CMAS: variants seen among roughly 807,000 people sequenced by gnomAD.
CMAS encodes the protein cytidine monophosphate N-acetylneuraminic acid synthetase.
CMAS carries 21 observed loss-of-function variants against 53.4 expected under a neutral mutation model. That is an observed-to-expected ratio of 0.39 (90% CI 0.28 to 0.57). The LOEUF is 0.57. CMAS is among the 20% of genes least tolerant of loss of function. CMAS has a pLI of 0.56. For synonymous variants in CMAS, 189 were observed against 195.2 expected (o/e 0.97, Z 0.27); for missense variants, 384 against 534.9 (o/e 0.72, Z 2.78).
rs1438077460 is a variant in CMAS, at chr12:22,055,255, C to G, written c.367C>G (p.Leu123Val). The change falls in exon 2 of 8, where the codon CTA becomes GTA. Residue 123 changes from leucine (L) to valine (V), a missense_variant. By Grantham distance (32) the Leu-to-Val change is conservative. Transcript: ENST00000229329. ...AGTTTCAAAAGACAGCTCTACCTCACTAGATGCCATCATAGAATTTCTTAA... is the reference window on the plus strand; with the variant it reads ...AGTTTCAAAAGACAGCTCTACCTCAGTAGATGCCATCATAGAATTTCTTAA... ...SEVSKDSSTS[L>V]DAIIEFLNYH... 3 of 1,608,122 alleles carry G rather than the reference C, an allele frequency of 1.9e-6. No homozygotes were observed. The highest frequency in any genetic ancestry group is 1.3e-5 in the African/African-American group (1 of 74,870).
intron 1 of CMAS, among the ~76,000 whole-genome samples, chr12:22,051,888 C>G (rs1950240810): frequency 6.6e-6 from 1 of 151,740 alleles, no homozygotes; most frequent in Non-Finnish European, 1.5e-5. Flanking sequence ...AATGTTTATT[C>G]TGTAGTAAAT....
At chr12:22,057,149 G>T (rs1950273171) in intron 3 of CMAS, among the ~76,000 whole-genome samples, 1 of 151,778 alleles carries the variant, frequency 6.6e-6, no homozygotes, top group African/African-American at 2.4e-5. Context: ...AGTAAGTAGA[G>T]GTTATTCCTA....
intron 3 of CMAS, 103 bp from the exon 4 acceptor site, chr12:22,058,464 A>G (rs1375915402): frequency 9.9e-7 from 1 of 1,007,428 alleles, no homozygotes; most frequent in Non-Finnish European, 1.5e-6. Context: ...AGATAAAGAA[A>G]TGCTCTGCAT....
At chr12:22,064,181 C>T (rs1032788122) in intron 7 of CMAS, among the ~76,000 whole-genome samples, 2 of 151,868 alleles carry the variant, frequency 1.3e-5, no homozygotes, top group African/African-American at 4.8e-5. Flanking sequence ...TCTCTTCAAC[C>T]AAGATTGTAC....
Position 22,060,874 on chromosome 12 carries a change from G to A in CMAS, c.736G>A (p.Val246Met). 6.2e-7 allele frequency: 1 copy of A among 1,612,462 alleles called. No individual in the cohort carries two copies. The highest frequency in any genetic ancestry group is 8.5e-7 in the Non-Finnish European group (1 of 1,178,758). The change falls in exon 5 of 8, where the codon GTG becomes ATG. Residue 246 changes from valine to methionine, a missense_variant. By Grantham distance (21) the Val-to-Met change is conservative (BLOSUM62 1). This residue lies in a region of CMAS where 139 missense variants were observed against 248.0 expected (regional missense o/e 0.56). Coordinates refer to ENST00000229329, the MANE Select transcript of CMAS (RefSeq NM_018686.6). ...AYYEMRAEHS[V>M]DIDVDIDWPI... is the part of the protein sequence containing the mutation. Reference sequence around the variant, plus strand: ...CTACGAAATGCGAGCTGAACATAGTGTGGATATAGATGTGGATATTGATTG... The same window carrying A: ...CTACGAAATGCGAGCTGAACATAGTATGGATATAGATGTGGATATTGATTG...
chr12:22,046,413 G>A lies in CMAS; in HGVS notation c.110G>A (p.Arg37Gln). 1 of 1,599,500 alleles carries A rather than the reference G, an allele frequency of 6.3e-7. No homozygotes were observed. The highest frequency in any genetic ancestry group is 8.5e-7 in the Non-Finnish European group (1 of 1,174,350). Residue 37 changes from arginine (R) to glutamine (Q), a missense_variant, in exon 1 of 8, where the codon CGA (arginine) becomes CAA (glutamine). By Grantham distance (43) the Arg-to-Gln change is conservative (BLOSUM62 1). This residue lies in a region of CMAS where 111 missense variants were observed against 132.2 expected (regional missense o/e 0.84). Coordinates refer to ENST00000229329, the MANE Select transcript of CMAS (RefSeq NM_018686.6). The stretch of plus-strand genomic sequence containing the variant: ...CGCAACTCTCGCGGCGGCCAGGGCC[G>A]AGGTGTGGAGAAGCCCCCGCACCTG... ...LQRNSRGGQG[R>Q]GVEKPPHLAA... is the part of the protein sequence containing the mutation.
chr12:22,052,564 T>C (rs957980124), intron 1 of CMAS, among the ~76,000 whole-genome samples: 1 of 152,204 alleles, frequency 6.6e-6, no homozygotes, highest in African/African-American at 2.4e-5. Flanking sequence ...CAAATTACCA[T>C]GTCTTTTGCC....
intron 4 of CMAS, 83 bp downstream of exon 4, chr12:22,058,783 T>C: frequency 6.8e-7 from 1 of 1,468,084 alleles, no homozygotes; most frequent in African/African-American, 1.4e-5. Context: ...TGGTACAATT[T>C]CTTTATGATA....
intron 1 of CMAS, among the ~76,000 whole-genome samples, chr12:22,050,418 A>C (rs545356825): frequency 8.5e-5 from 13 of 152,178 alleles, no homozygotes; most frequent in Non-Finnish European, 1.9e-4. Flanking sequence ...GTAATCTGTT[A>C]TTGACATTTT....
In CMAS at chr12:22,065,577, C is replaced by T; in HGVS notation, c.*266C>T. 3.7e-6 allele frequency: 1 copy of T among 270,488 alleles called. No homozygotes were observed. Among genetic ancestry groups the T allele is most frequent in the East Asian group, 6.4e-5 (1 of 15,616 alleles). The allele number at this position is 270,488 out of a possible 1,614,324, so 16.8% of individuals were successfully genotyped here. On this transcript the variant is annotated 3_prime_UTR_variant, in exon 8 of 8. Coordinates refer to ENST00000229329, the MANE Select transcript of CMAS (RefSeq NM_018686.6). ...CCCTGTAAAACTGTGTGTTTGTGTG[C>T]TTTCAAAGATGTTGGGATTTTATTT...
intron 5 of CMAS, 124 bp downstream of exon 5, chr12:22,061,050 CAT>C (rs778524628): frequency 4.8e-5 from 35 of 722,472 alleles, no homozygotes; most frequent in Non-Finnish European, 8.0e-5. Context: ...GTGAGGAAGA[CAT>C]GTAAAATATG....
At chr12:22,062,458 T>C (rs746105425) in intron 7 of CMAS, 24 bp downstream of exon 7, 2 of 1,602,620 alleles carry the variant, frequency 1.2e-6, no homozygotes. Flanking sequence ...TATTCACCCA[T>C]AGTAAAATGG....
At chr12:22,053,315 A>G (rs1236455674) in intron 1 of CMAS, among the ~76,000 whole-genome samples, 1 of 151,900 alleles carries the variant, frequency 6.6e-6, no homozygotes, top group Non-Finnish European at 1.5e-5. Flanking sequence ...CATGCAGTTC[A>G]TCTTTCCCTC....
intron 6 of CMAS, among the ~76,000 whole-genome samples, chr12:22,061,778 T>C (rs1360313413): frequency 1.3e-5 from 2 of 152,154 alleles, no homozygotes; most frequent in Non-Finnish European, 2.9e-5. Context: ...AAGGACGATA[T>C]CCTGTGGATT....
At chr12:22,059,529 T>A (rs1191443142) in intron 4 of CMAS, among the ~76,000 whole-genome samples, 1 of 152,162 alleles carries the variant, frequency 6.6e-6, no homozygotes, top group Admixed American at 6.5e-5. Flanking sequence ...TGGATTCAGG[T>A]TCTTATGTTA....
chr12:22,056,318 T>C (rs2138183481), intron 3 of CMAS, among the ~76,000 whole-genome samples: 1 of 152,344 alleles, frequency 6.6e-6, no homozygotes, highest in African/African-American at 2.4e-5. Flanking sequence ...TCTTTCTTGA[T>C]TGTGAGTCAC....
rs113418248 is a variant in CMAS at position 22,058,538 on chromosome 12, G to A, written c.560-29G>A. On this transcript the variant is annotated intron_variant, in intron 3 of 7. Transcript: ENST00000229329. ...TAACACTTTCTATATTCAGGGCAACGTGGACTTACTCTAACTTTTTGCTTT... is the reference window on the plus strand; with the variant it reads ...TAACACTTTCTATATTCAGGGCAACATGGACTTACTCTAACTTTTTGCTTT... The A allele has an allele frequency of 5.2e-4, 832 of 1,596,868 alleles. 1 individual carries two copies. Among genetic ancestry groups the A allele is most frequent in the African/African-American group, 5.1e-3 (377 of 74,070 alleles).
chr12:22,059,128 T>TTATA (rs1216405572), intron 4 of CMAS, among the ~76,000 whole-genome samples: 15 of 136,916 alleles, frequency 1.1e-4, no homozygotes, highest in Non-Finnish European at 1.9e-4. Flanking sequence ...CGGAATCTTT[T>TTATA]TATATATATA....
Position 22,055,525 on chromosome 12 carries a change from A to AGAAATGATTCGAGAAGAAG in CMAS, c.477_495dup (p.Tyr166AsnfsTer8). Reference sequence around the variant, plus strand: ...ATCCTACTGATCTTCAAAAAGTTGCAGAAATGATTCGAGAAGAAGGATATG... The same window carrying AGAAATGATTCGAGAAGAAG: ...ATCCTACTGATCTTCAAAAAGTTGCAGAAATGATTCGAGAAGAAGGAAATGATTCGAGAAGAAGGATATG... On this transcript the variant is annotated frameshift_variant, in exon 3 of 8. Coordinates refer to ENST00000229329, the MANE Select transcript of CMAS (RefSeq NM_018686.6). LOFTEE classifies it high-confidence loss of function. 6.2e-7 allele frequency: 1 copy of AGAAATGATTCGAGAAGAAG among 1,612,642 alleles called. No homozygotes were observed. Among genetic ancestry groups the AGAAATGATTCGAGAAGAAG allele is most frequent in the Non-Finnish European group, 8.5e-7 (1 of 1,179,584 alleles).
Sources: gnomAD v4.1 joint callset for allele counts (sites outside exome capture counted in the v4.1 genomes callset) on GRCh38, gnomAD v4.1.1 for gene constraint, gnomAD v4.1.1 regional missense constraint, MANE v1.5 for transcripts, NCBI Gene and HGNC (gene_info 2026-07-23, HGNC 2026-07-21) for gene names.